Variants in MAP4 observed in about 807,000 individuals in gnomAD.
MAP4 encodes microtubule-associated protein 4.
A neutral mutation model predicts 170.2 loss-of-function variants in MAP4; 76 were observed. The observed-to-expected ratio is 0.45, with a 90% CI of 0.37 to 0.54. The LOEUF (loss-of-function observed/expected upper bound fraction) is 0.54. Ranked by LOEUF, MAP4 falls within the 20% of genes least tolerant of loss-of-function variation. MAP4 has a pLI of 0.00. For synonymous variants in MAP4, 909 were observed against 994.5 expected, an observed-to-expected ratio of 0.91 and a Z score of 1.62; for missense variants, 2,506 against 2,748.0, an observed-to-expected ratio of 0.91 and a Z score of 1.97.
At chr3:48,077,267 AC>A (rs1202968438) in intron 1 of MAP4, among the ~76,000 whole-genome samples, 6 of 151,816 alleles carry the variant, frequency 4.0e-5, no homozygotes, top group African/African-American at 1.5e-4. Flanking sequence ...ACATGGAGAA[AC>A]CCCACTCTAC....
intron 8 of MAP4, among the ~76,000 whole-genome samples, chr3:47,912,759 G>A (rs1395433661): frequency 6.6e-5 from 10 of 152,082 alleles, no homozygotes; most frequent in Non-Finnish European, 1.2e-4. Context: ...AGCACTTACT[G>A]CCTGTAAATC....
intron 2 of MAP4, among the ~76,000 whole-genome samples, chr3:47,997,325 C>T (rs2100096340): frequency 4.9e-5 from 2 of 40,710 alleles, no homozygotes; most frequent in South Asian, 1.3e-3. Flanking sequence ...ATTTAAACTG[C>T]TAAAAAAAAA....
At chr3:48,075,335 AC>A (rs1044906679) in intron 1 of MAP4, among the ~76,000 whole-genome samples, 5 of 151,770 alleles carry the variant, frequency 3.3e-5, no homozygotes, top group African/African-American at 1.2e-4. Flanking sequence ...GACCCGTCTG[AC>A]CAAAATGGTG....
chr3:47,996,289 A>AGG, intron 2 of MAP4, among the ~76,000 whole-genome samples: 1 of 152,280 alleles, frequency 6.6e-6, no homozygotes, highest in South Asian at 2.1e-4. Context: ...ATCCTACACC[A>AGG]ATACCATGAG....
Position 47,911,145 on chromosome 3 carries a change from C to T in MAP4, c.3276G>A (p.Lys1092=), listed in dbSNP as rs117839636. The T allele has an allele frequency of 6.5e-7, 1 of 1,536,134 alleles. No individual in the cohort carries two copies. ...SELPFLLDSQ[K]DGRAVLIPSE... is the part of the protein sequence containing the mutation. ...TCGGTATGAGAACAGCCCTTCCGTC[C>T]TTCTGGCTGTCCAGAAGAAATGGCA... is the stretch of plus-strand genomic sequence containing the variant. The change falls in exon 9 of 21, where the codon AAG becomes AAA. Residue 1092 remains lysine (K), a synonymous_variant. Transcript: ENST00000683076. This position sits in a 1 kb window ranked among gnomAD's most constrained non-coding sequence, Gnocchi z 4.0.
intron 18 of MAP4, among the ~76,000 whole-genome samples, chr3:47,856,552 T>G (rs1346962070): frequency 6.6e-6 from 1 of 152,012 alleles, no homozygotes; most frequent in Non-Finnish European, 1.5e-5. Context: ...CCTCCTGGGT[T>G]CAAGCAATTC....
At chr3:48,045,497 A>C (rs1028909811) in intron 1 of MAP4, among the ~76,000 whole-genome samples, 16 of 152,172 alleles carry the variant, frequency 1.1e-4, no homozygotes, top group African/African-American at 3.6e-4. Flanking sequence ...CTTTATGAGA[A>C]TCCAATGCCT....
chr3:48,084,998 C>A (rs753302869), intron 1 of MAP4, among the ~76,000 whole-genome samples: 6 of 151,900 alleles, frequency 3.9e-5, no homozygotes, highest in Admixed American at 6.6e-5. Flanking sequence ...AATAAGTCTA[C>A]AATAACCTGG....
intron 10 of MAP4, among the ~76,000 whole-genome samples, chr3:47,899,131 G>A: frequency 6.6e-6 from 1 of 152,172 alleles, no homozygotes; most frequent in East Asian, 1.9e-4. Flanking sequence ...GTTGGTGGAT[G>A]AGGTAAATAC....
chr3:47,931,479 G>C (rs1163959868), intron 3 of MAP4, among the ~76,000 whole-genome samples: 1 of 152,050 alleles, frequency 6.6e-6, no homozygotes, highest in East Asian at 1.9e-4. Context: ...TCTCAAAGTT[G>C]CTCTTTTTTT....
At chr3:47,933,645 G>A (rs1290184060) in intron 3 of MAP4, among the ~76,000 whole-genome samples, 1 of 143,610 alleles carries the variant, frequency 7.0e-6, no homozygotes, top group Non-Finnish European at 1.5e-5. Context: ...CTGTCACCCA[G>A]GCTGGAGTGC....
chr3:47,870,678 C>T (rs1559834715), intron 15 of MAP4, 135 bp downstream of exon 15: 1 of 906,962 alleles, frequency 1.1e-6, no homozygotes, highest in Non-Finnish European at 1.6e-6. Flanking sequence ...ACTACAGAGC[C>T]CCGGCTGAAA....
chr3:47,981,477 A>G (rs1279355495), intron 2 of MAP4, among the ~76,000 whole-genome samples: 1 of 151,950 alleles, frequency 6.6e-6, no homozygotes, highest in Non-Finnish European at 1.5e-5. Context: ...AATAATAATA[A>G]AAAAGAACCT....
chr3:47,957,969 G>C (rs2100068852), intron 3 of MAP4, among the ~76,000 whole-genome samples: 1 of 152,146 alleles, frequency 6.6e-6, no homozygotes, highest in Non-Finnish European at 1.5e-5. Context: ...TGCTGGCTTG[G>C]AAGTGCTAGT....
At chr3:47,969,808 C>T (rs1477248124) in intron 3 of MAP4, among the ~76,000 whole-genome samples, 2 of 150,948 alleles carry the variant, frequency 1.3e-5, no homozygotes, top group Admixed American at 1.3e-4. Context: ...TGCAGTGGGC[C>T]GAGATCGCAC....
intron 1 of MAP4, among the ~76,000 whole-genome samples, chr3:48,028,508 C>T (rs2100114233): frequency 6.6e-6 from 1 of 152,118 alleles, no homozygotes; most frequent in Non-Finnish European, 1.5e-5. Flanking sequence ...GGCACGGTGG[C>T]TCACACCTGT....
In MAP4 at chr3:47,919,210, C is replaced by T. The variant is rs112701049; in HGVS notation, c.530-369G>A. Among the ~76,000 whole-genome samples, 422 of 150,680 alleles carry T rather than the reference C, an allele frequency of 2.8e-3. 3 individuals are homozygous for T. The highest frequency in any genetic ancestry group is 9.8e-3 in the African/African-American group (401 of 41,054). ...CCTCCCAAAGTGCTGGGATTACAGG[C>T]GTGAACCACCGCGCCCGGCCTAAGA... On this transcript the variant is annotated intron_variant, in intron 5 of 20. Coordinates refer to ENST00000683076, the MANE Select transcript of MAP4 (RefSeq NM_001385682.1).
rs774889900 is a variant in MAP4, at chr3:47,909,332, A to C, written c.5089T>G (p.Leu1697Val). The change falls in exon 9 of 21, where the codon TTA (leucine) becomes GTA (valine). Residue 1697 changes from leucine (L) to valine (V), a missense_variant. Physicochemically the swap from Leu to Val is conservative, Grantham distance 32. Coordinates refer to ENST00000683076, the MANE Select transcript of MAP4 (RefSeq NM_001385682.1). ...LPTPEIQSDF[L>V]HSKVEAPPSE... The stretch of plus-strand genomic sequence containing the variant: ...GGAGGAGCTTCGACTTTGCTATGTA[A>C]GAAATCTGACTGGATTTCTGGTGTT... 1.8e-5 allele frequency: 29 copies of C among 1,613,994 alleles called. No homozygotes were observed. The highest frequency in any genetic ancestry group is 2.5e-5 in the Non-Finnish European group (29 of 1,179,894).
In MAP4 at chr3:48,030,613, A is replaced by C. The variant is rs894196115; in HGVS notation, c.-19-31734T>G. ...CAGGAGTTCAAGACCAGCCTGACCAACATGATTAAAACCCGTCTCTATAAA... is the reference window on the plus strand; with the variant it reads ...CAGGAGTTCAAGACCAGCCTGACCACCATGATTAAAACCCGTCTCTATAAA... On this transcript the variant is annotated intron_variant, in intron 1 of 18. Transcript: ENST00000360240. Among the ~76,000 whole-genome samples, 7 of 152,070 alleles carry C rather than the reference A, an allele frequency of 4.6e-5. No homozygotes were observed. In the East Asian group the frequency reaches 1.4e-3, roughly 29 times the overall value.
Sources: allele counts gnomAD v4.1 joint callset (sites outside exome capture counted in the v4.1 genomes callset), GRCh38; gene constraint gnomAD v4.1.1; non-coding constraint Gnocchi (gnomAD v3.1); transcripts MANE v1.5; gene names NCBI Gene and HGNC (gene_info 2026-07-23, HGNC 2026-07-21).